ROBO1: variants seen among roughly 807,000 people sequenced by gnomAD.
ROBO1 encodes the protein roundabout homolog 1.
In ROBO1, 149 loss-of-function variants were observed where a neutral mutation model predicts 195.9. The ratio of observed to expected loss-of-function variants is 0.76; its 90% confidence interval spans 0.67 to 0.87. ROBO1 has a LOEUF of 0.87. Ranked by LOEUF, ROBO1 falls within the 40% of genes least tolerant of loss-of-function variation. The pLI is 0.00. For missense variants in ROBO1, 1,933 were observed against 2,068.3 expected (o/e 0.93, Z 1.27); for synonymous variants, 816 against 733.2 (o/e 1.11, Z -1.82).
intron 4 of ROBO1, among the ~76,000 whole-genome samples, chr3:78,782,465 G>A (rs188594013): frequency 5.9e-5 from 9 of 152,202 alleles, no homozygotes; most frequent in Non-Finnish European, 4.4e-5. Flanking sequence ...CCGAAGTGCT[G>A]GGATTACAGG....
chr3:78,608,432 T>C (rs1003760640), intron 28 of ROBO1, among the ~76,000 whole-genome samples: 4 of 152,212 alleles, frequency 2.6e-5, no homozygotes, highest in Non-Finnish European at 4.4e-5. Flanking sequence ...ATATCATAGA[T>C]ATACTTAAGA....
intron 4 of ROBO1, among the ~76,000 whole-genome samples, chr3:78,880,213 T>G (rs538731504): frequency 6.6e-6 from 1 of 152,280 alleles, no homozygotes; most frequent in South Asian, 2.1e-4. Context: ...TTAAAGACCA[T>G]GTAATTTAAT....
chr3:78,882,207 T>C (rs1041267448), intron 4 of ROBO1, among the ~76,000 whole-genome samples: 12 of 152,174 alleles, frequency 7.9e-5, no homozygotes, highest in Admixed American at 1.3e-4. Flanking sequence ...GGAACAAGAA[T>C]GGCCAATAGA....
intron 3 of ROBO1, among the ~76,000 whole-genome samples, chr3:79,090,796 G>A (rs1161739375): frequency 1.3e-5 from 2 of 152,238 alleles, no homozygotes; most frequent in African/African-American, 4.8e-5. Flanking sequence ...GATGATTCCA[G>A]TCATCACTGA....
chr3:78,812,237 C>A, intron 4 of ROBO1, among the ~76,000 whole-genome samples: 1 of 152,116 alleles, frequency 6.6e-6, no homozygotes, highest in Non-Finnish European at 1.5e-5. Context: ...TCTAAATCTC[C>A]TACTGCAGAG....
At chr3:78,858,939 G>A (rs2034623475) in intron 4 of ROBO1, among the ~76,000 whole-genome samples, 1 of 152,174 alleles carries the variant, frequency 6.6e-6, no homozygotes, top group Non-Finnish European at 1.5e-5. Flanking sequence ...GTCTAAGAGT[G>A]ACTGTTATTA....
chr3:78,842,740 A>C (rs1284126843), intron 4 of ROBO1, among the ~76,000 whole-genome samples: 1 of 151,680 alleles, frequency 6.6e-6, no homozygotes, highest in Non-Finnish European at 1.5e-5. Context: ...AAAAAATGAG[A>C]ACTATCTTGC....
chr3:79,598,186 A>G (rs1944236780), intron 1 of ROBO1, among the ~76,000 whole-genome samples: 1 of 152,082 alleles, frequency 6.6e-6, no homozygotes, highest in African/African-American at 2.4e-5. Flanking sequence ...GAGGTCAGAT[A>G]AAGAGTCAAA....
intron 14 of ROBO1, among the ~76,000 whole-genome samples, chr3:78,662,832 C>T (rs7613523): frequency 0.02 from 3,003 of 152,130 alleles, 96 homozygotes; most frequent in African/African-American, 0.067. Context: ...CCCAAAATTT[C>T]AGGAAGGAAA....
chr3:78,893,376 T>C (rs1025514389), intron 4 of ROBO1, among the ~76,000 whole-genome samples: 1 of 152,152 alleles, frequency 6.6e-6, no homozygotes, highest in Non-Finnish European at 1.5e-5. Flanking sequence ...CTCTGGAAGA[T>C]GCAACAATAA....
chr3:78,754,793 A>G (rs2082886447), intron 4 of ROBO1, among the ~76,000 whole-genome samples: 1 of 152,226 alleles, frequency 6.6e-6, no homozygotes. Flanking sequence ...GTGTGAGAGA[A>G]TAATGAGAAA....
intron 2 of ROBO1, among the ~76,000 whole-genome samples, chr3:79,289,111 T>TA (rs892851465): frequency 9.9e-5 from 15 of 151,074 alleles, no homozygotes; most frequent in African/African-American, 2.4e-4. Context: ...TTTTAGATAA[T>TA]AAAAAAATCC....
intron 2 of ROBO1, among the ~76,000 whole-genome samples, chr3:79,404,154 G>A (rs1015316913): frequency 6.6e-6 from 1 of 151,976 alleles, no homozygotes; most frequent in Non-Finnish European, 1.5e-5. Flanking sequence ...GTTTTCTTAA[G>A]CATCTATGGA....
chr3:79,685,968 C>G (rs567715675), intron 1 of ROBO1, among the ~76,000 whole-genome samples: 1 of 152,236 alleles, frequency 6.6e-6, no homozygotes, highest in South Asian at 2.1e-4. Context: ...ATGCAAAAAT[C>G]CTCAATAAAA....
intron 2 of ROBO1, among the ~76,000 whole-genome samples, chr3:79,568,453 A>G (rs1036242695): frequency 3.3e-5 from 5 of 150,704 alleles, no homozygotes; most frequent in African/African-American, 1.2e-4. Context: ...ATTAATCCAT[A>G]AAGTTTCTCT....
chr3:79,422,490 C>T (rs1179704407), intron 2 of ROBO1, among the ~76,000 whole-genome samples: 3 of 152,064 alleles, frequency 2.0e-5, no homozygotes, highest in Non-Finnish European at 4.4e-5. Flanking sequence ...CTAAAGACTT[C>T]GTTGATGTAC....
intron 3 of ROBO1, among the ~76,000 whole-genome samples, chr3:79,057,169 A>G (rs976413324): frequency 2.0e-5 from 3 of 152,076 alleles, no homozygotes; most frequent in Admixed American, 6.6e-5. Context: ...GATGGCTCCA[A>G]TGAAAATGCT....
chr3:79,567,912 A>G (rs1486648347), intron 2 of ROBO1, among the ~76,000 whole-genome samples: 3 of 152,142 alleles, frequency 2.0e-5, no homozygotes, highest in African/African-American at 7.2e-5. Flanking sequence ...TAAGAAATTG[A>G]TCAAATATTG....
At chr3:78,881,361 C>T (rs2036170242) in intron 4 of ROBO1, among the ~76,000 whole-genome samples, 1 of 152,104 alleles carries the variant, frequency 6.6e-6, no homozygotes, top group South Asian at 2.1e-4. Context: ...TCACAACAAA[C>T]ATTCAGTTCT....
Sources: gnomAD v4.1 joint callset for allele counts (sites outside exome capture counted in the v4.1 genomes callset) on GRCh38, gnomAD v4.1.1 for gene constraint, MANE v1.5 for transcripts, NCBI Gene and HGNC (gene_info 2026-07-23, HGNC 2026-07-21) for gene names.